Variants in SLMAP observed in about 807,000 individuals in gnomAD.
The protein encoded by SLMAP is sarcolemmal membrane-associated protein.
Under a neutral mutation model 128.8 loss-of-function variants are expected in SLMAP, and 44 were observed. That is an observed-to-expected ratio of 0.34 (90% CI 0.27 to 0.44). The LOEUF (loss-of-function observed/expected upper bound fraction) is 0.44. Among genes scored for constraint, SLMAP ranks in the 20% least tolerant of loss-of-function variants. The pLI is 1.00. For missense variants in SLMAP, 787 were observed against 985.3 expected (o/e 0.80, Z 2.69); for synonymous variants, 327 against 348.8 (o/e 0.94, Z 0.70).
At chr3:57,905,754 ATT>A (rs1332729858) in intron 17 of SLMAP, among the ~76,000 whole-genome samples, 1 of 152,040 alleles carries the variant, frequency 6.6e-6, no homozygotes, top group African/African-American at 2.4e-5. Flanking sequence ...TGTGTATAAA[ATT>A]TTTTTTGATT....
chr3:57,804,621 T>A (rs1489362158), intron 2 of SLMAP, among the ~76,000 whole-genome samples: 2 of 152,004 alleles, frequency 1.3e-5, no homozygotes, highest in African/African-American at 4.8e-5. Flanking sequence ...GTTGTGCACT[T>A]GTAGTCCCAG....
At chr3:57,774,825 A>G (rs1275220589) in intron 2 of SLMAP, among the ~76,000 whole-genome samples, 1 of 152,060 alleles carries the variant, frequency 6.6e-6, no homozygotes, top group African/African-American at 2.4e-5. Context: ...CGCCCGGCCA[A>G]CAGACAATTA....
intron 14 of SLMAP, among the ~76,000 whole-genome samples, chr3:57,876,397 A>G (rs911222871): frequency 6.6e-6 from 1 of 152,230 alleles, no homozygotes; most frequent in African/African-American, 2.4e-5. Context: ...TTCCAGACAA[A>G]GAAATTGGAC....
intron 6 of SLMAP, among the ~76,000 whole-genome samples, chr3:57,855,847 C>A (rs1179642089): frequency 6.6e-6 from 1 of 151,814 alleles, no homozygotes; most frequent in African/African-American, 2.4e-5. Flanking sequence ...AGTTCGAGAC[C>A]AGCCTGTCCA....
chr3:57,925,925 G>T lies in SLMAP; in HGVS notation c.2526G>T (p.Trp842Cys). 6.5e-7 allele frequency: 1 copy of T among 1,549,754 alleles called. No individual in the cohort carries two copies. Among genetic ancestry groups the T allele is most frequent in the Middle Eastern group, 1.7e-4 (1 of 5,996 alleles). Residue 842 changes from tryptophan to cysteine, a missense_variant, in exon 24 of 25, where the codon TGG becomes TGT. Coordinates refer to ENST00000671191, the MANE Select transcript of SLMAP (RefSeq NM_001377540.1). ...TGTTTTGGTGTTTCGGTCCATTGTG[G>T]TAGAGAAAGGTACAAGCACTATTGT... ...AFLFWCFGPL[W>C] is the part of the protein sequence containing the mutation.
intron 2 of SLMAP, among the ~76,000 whole-genome samples, chr3:57,765,971 C>G (rs1472053623): frequency 5.3e-5 from 8 of 151,210 alleles, no homozygotes; most frequent in Non-Finnish European, 1.2e-4. Context: ...TCACTCTTTG[C>G]CCTTTTAGGC....
chr3:57,774,851 C>T (rs531342179), intron 2 of SLMAP, among the ~76,000 whole-genome samples: 1 of 151,780 alleles, frequency 6.6e-6, no homozygotes, highest in Non-Finnish European at 1.5e-5. Flanking sequence ...AACATGGCTG[C>T]CTTGTTGTAG....
intron 2 of SLMAP, among the ~76,000 whole-genome samples, chr3:57,819,219 A>C (rs1426812196): frequency 6.6e-6 from 1 of 152,200 alleles, no homozygotes; most frequent in African/African-American, 2.4e-5. Flanking sequence ...CCTTGAGGAG[A>C]TATATCTCTC....
intron 6 of SLMAP, among the ~76,000 whole-genome samples, chr3:57,855,814 C>T (rs185885844): frequency 1.3e-4 from 20 of 150,736 alleles, no homozygotes; most frequent in African/African-American, 3.7e-4. Context: ...GAGGCCAAGG[C>T]GGGCGGATCA....
intron 3 of SLMAP, among the ~76,000 whole-genome samples, chr3:57,833,681 G>A (rs1276139988): frequency 6.6e-6 from 1 of 151,916 alleles, no homozygotes; most frequent in Admixed American, 6.6e-5. Flanking sequence ...GCCTCCCAAA[G>A]TGCTGGGATT....
Position 57,867,952 on chromosome 3 carries a change from G to A in SLMAP, c.1237+2660G>A, listed in dbSNP as rs903368502. On this transcript the variant is annotated intron_variant, in intron 13 of 24. Coordinates refer to ENST00000671191, the MANE Select transcript of SLMAP (RefSeq NM_001377540.1). ...AGCTGAATGTATCTTAGAGAGTAAA[G>A]GACAGTGTTGTCCGAAATAAACATA... Among the ~76,000 whole-genome samples, 15 of 152,192 alleles carry A rather than the reference G, an allele frequency of 9.9e-5. 1 individual carries two copies. Among genetic ancestry groups the A allele is most frequent in the Admixed American group, 7.2e-4 (11 of 15,282 alleles).
At position 57,916,952 on chromosome 3, in the gene SLMAP, C is replaced by G. The variant is rs1434028469; in HGVS notation, c.2185C>G (p.Gln729Glu). ...GCTTACCAGTGATCTCAGCATCCTT[C>G]AAATGTCTAGGAAAGAACTTGAGAA... ...LELTSDLSIL[Q>E]MSRKELENQV... Residue 729 changes from glutamine (Q) to glutamate (E), a missense_variant, in exon 22 of 25, where the codon CAA becomes GAA. Gln to Glu is a conservative substitution (Grantham distance 29). Coordinates refer to ENST00000671191, the MANE Select transcript of SLMAP (RefSeq NM_001377540.1). 2 of 1,613,834 alleles carry G rather than the reference C, an allele frequency of 1.2e-6. No homozygotes were observed.
In SLMAP at chr3:57,912,385, A is replaced by G. The variant is rs771986392; in HGVS notation, c.1704A>G (p.Gln568=). The G allele has an allele frequency of 5.7e-5, 91 of 1,605,588 alleles. No individual in the cohort carries two copies. The South Asian group carries it at 6.8e-4, about 12-fold the overall frequency. Residue 568 remains glutamine, a synonymous_variant, in exon 20 of 25, where the codon CAA becomes CAG. Coordinates refer to ENST00000671191, the MANE Select transcript of SLMAP (RefSeq NM_001377540.1). ...STKQIQVLQA[Q]LQRLHIDTEN... is the part of the protein sequence containing the mutation. The stretch of plus-strand genomic sequence containing the variant: ...ATGATGGATATACTTTTGCAGCCCA[A>G]TTGCAGAGGTTACACATCGATACTG...
intron 23 of SLMAP, 115 bp downstream of exon 23, chr3:57,923,138 C>A: frequency 2.1e-6 from 2 of 951,106 alleles, no homozygotes; most frequent in Non-Finnish European, 3.2e-6. Flanking sequence ...ATGAAATAGG[C>A]TTTTCATTAT....
chr3:57,894,186 G>A (rs1424477467), intron 15 of SLMAP, among the ~76,000 whole-genome samples: 1 of 151,976 alleles, frequency 6.6e-6, no homozygotes, highest in Non-Finnish European at 1.5e-5. Flanking sequence ...AAGTTAAAAA[G>A]TAAATGTCCA....
chr3:57,880,491 C>A (rs1268229735), intron 14 of SLMAP, among the ~76,000 whole-genome samples: 2 of 152,082 alleles, frequency 1.3e-5, no homozygotes, highest in Non-Finnish European at 2.9e-5. Context: ...GCATGAGCCA[C>A]CATGCCCAGA....
intron 2 of SLMAP, among the ~76,000 whole-genome samples, chr3:57,779,523 A>T (rs1016180876): frequency 9.2e-5 from 14 of 151,694 alleles, no homozygotes; most frequent in Middle Eastern, 6.8e-3. Flanking sequence ...AAAAAAAAAA[A>T]AACAAAAATA....
intron 2 of SLMAP, among the ~76,000 whole-genome samples, chr3:57,766,774 G>A (rs2079823834): frequency 6.6e-6 from 1 of 151,918 alleles, no homozygotes; most frequent in African/African-American, 2.4e-5. Flanking sequence ...TTGTCTTCTA[G>A]AATGACCTCT....
At chr3:57,857,034 A>G (rs1444763744) in intron 6 of SLMAP, among the ~76,000 whole-genome samples, 1 of 152,202 alleles carries the variant, frequency 6.6e-6, no homozygotes. Flanking sequence ...ATGTCTACAT[A>G]CACACAGTGT....
Sources: gnomAD v4.1 joint callset for allele counts (sites outside exome capture counted in the v4.1 genomes callset) on GRCh38, gnomAD v4.1.1 for gene constraint, MANE v1.5 for transcripts, NCBI Gene and HGNC (gene_info 2026-07-23, HGNC 2026-07-21) for gene names.